Variants in KIF18A observed in about 807,000 individuals in gnomAD.
KIF18A encodes the protein kinesin family member 18A, also known as kinesin-like protein KIF18A.
In KIF18A, 67 loss-of-function variants were observed where a neutral mutation model predicts 103.3. That is an observed-to-expected ratio of 0.65 (90% CI 0.53 to 0.79). The LOEUF (loss-of-function observed/expected upper bound fraction) is 0.79. Ranked by LOEUF, KIF18A falls within the 30% of genes least tolerant of loss-of-function variation. KIF18A has a pLI of 0.00. For synonymous variants in KIF18A, 367 were observed against 355.5 expected, an observed-to-expected ratio of 1.03 and a Z score of -0.36; for missense variants, 1,032 against 1,062.5, an observed-to-expected ratio of 0.97 and a Z score of 0.40.
In KIF18A at chr11:28,046,519, G is replaced by A. The variant is rs879096685; in HGVS notation, c.1949-9855C>T. 6.7e-5 allele frequency among the ~76,000 whole-genome samples: 9 copies of A among 134,582 alleles called. 1 individual carries two copies. Among genetic ancestry groups the A allele is most frequent in the African/African-American group, 2.6e-4 (9 of 35,176 alleles). 88.3% of individuals were successfully genotyped at this position (134,582 alleles called of 152,430 possible). A position where few individuals can be genotyped will look rare whatever the true frequency, so the allele number is the denominator to read the frequency against. On this transcript the variant is annotated intron_variant, in intron 13 of 16. Transcript: ENST00000263181. ...AATGAGATCACATGGACACAGGAAG[G>A]GGAACATCACACTCTGGGGACTGTT...
chr11:28,067,277 A>G (rs1850944516), intron 11 of KIF18A, among the ~76,000 whole-genome samples: 1 of 152,142 alleles, frequency 6.6e-6, no homozygotes, highest in Non-Finnish European at 1.5e-5. Flanking sequence ...TACTTAACTA[A>G]CTGACTGGTA....
At chr11:28,075,195 A>G (rs1165965891) in intron 10 of KIF18A, among the ~76,000 whole-genome samples, 1 of 152,126 alleles carries the variant, frequency 6.6e-6, no homozygotes, top group Non-Finnish European at 1.5e-5. Flanking sequence ...CATCTTGTCC[A>G]CATGTGTTAT....
intron 11 of KIF18A, 51 bp downstream of exon 11, chr11:28,069,208 T>G: frequency 7.2e-7 from 1 of 1,398,188 alleles, no homozygotes. Flanking sequence ...GAACACATTT[T>G]AGGAGCTCAG....
intron 9 of KIF18A, among the ~76,000 whole-genome samples, chr11:28,079,914 C>T (rs1392891373): frequency 6.6e-6 from 1 of 152,064 alleles, no homozygotes; most frequent in African/African-American, 2.4e-5. Flanking sequence ...GTATTACTAA[C>T]TGCTTTCTTT....
At chr11:28,033,279 C>G (rs1006433329) in intron 15 of KIF18A, among the ~76,000 whole-genome samples, 2 of 151,434 alleles carry the variant, frequency 1.3e-5, no homozygotes, top group African/African-American at 4.8e-5. Context: ...ATTAGTACAA[C>G]CACTATAAAG....
At chr11:28,091,548 A>T (rs1379789842) in intron 3 of KIF18A, 35 bp from the exon 4 acceptor site, 3 of 345,524 alleles carry the variant, frequency 8.7e-6, no homozygotes, top group Non-Finnish European at 1.4e-5. Context: ...GCATTGATGT[A>T]AAAAAAAAAA....
Position 28,082,942 on chromosome 11 carries a change from T to C in KIF18A, c.1176A>G (p.Lys392=). 1.3e-6 allele frequency: 2 copies of C among 1,592,820 alleles called. No homozygotes were observed. The highest frequency in any genetic ancestry group is 4.5e-5 in the East Asian group (2 of 44,526). Residue 392 remains lysine (K), a synonymous_variant, in exon 9 of 17, where the codon AAA becomes AAG. Transcript: ENST00000263181. The part of the protein sequence containing the change: ...AEILLLKEKL[K]AYEEQKAFTN... ...TGAAGGCTTTCTGTTCTTCATAGGC[T>C]TTTAGTTTTTCTTTTAACAATAAAA...
chr11:28,059,980 A>C (rs1850837832), intron 12 of KIF18A, among the ~76,000 whole-genome samples: 1 of 152,170 alleles, frequency 6.6e-6, no homozygotes, highest in East Asian at 1.9e-4. Context: ...AATGGCACTT[A>C]AAGGGATTTT....
chr11:28,035,484 A>C lies in KIF18A; in HGVS notation c.2407T>G (p.Ser803Ala), dbSNP rs746274649. The change falls in exon 15 of 17, where the codon TCT becomes GCT. Residue 803 changes from serine to alanine, a missense_variant. Coordinates refer to ENST00000263181, the MANE Select transcript of KIF18A (RefSeq NM_031217.4). Reference sequence around the variant, plus strand: ...ATAGAATGCTTAGTTGAGAATGAAGAAGGATCAAGCCTGTATATTAATAGT... The same window carrying C: ...ATAGAATGCTTAGTTGAGAATGAAGCAGGATCAAGCCTGTATATTAATAGT... ...NKDILQRLDP[S>A]SFSTKHSMPV... 10 of 1,587,842 alleles carry C rather than the reference A, an allele frequency of 6.3e-6. No individual in the cohort carries two copies. The highest frequency in any genetic ancestry group is 8.6e-6 in the Non-Finnish European group (10 of 1,164,140).
intron 9 of KIF18A, among the ~76,000 whole-genome samples, chr11:28,079,833 G>C (rs888270444): frequency 1.1e-4 from 16 of 151,998 alleles, no homozygotes; most frequent in Middle Eastern, 3.2e-3. Flanking sequence ...TTAACATCTT[G>C]ATCCAGTGTC....
chr11:28,078,713 T>C (rs925651674), intron 9 of KIF18A, among the ~76,000 whole-genome samples: 3 of 152,284 alleles, frequency 2.0e-5, no homozygotes, highest in African/African-American at 7.2e-5. Flanking sequence ...TTGTGTTTTC[T>C]TTTTATGATT....
In KIF18A at chr11:28,036,209, T is replaced by G. The variant is rs535012096; in HGVS notation, c.2396+8A>C. Reference sequence around the variant, plus strand: ...AAAAAAGAATTGGCAAATATTATTTTTTTGTACCGTTGTAAAATGTCTTTG... The same window carrying G: ...AAAAAAGAATTGGCAAATATTATTTGTTTGTACCGTTGTAAAATGTCTTTG... On this transcript the variant is annotated splice_region_variant and intron_variant, in intron 14 of 16. Coordinates refer to ENST00000263181, the MANE Select transcript of KIF18A (RefSeq NM_031217.4). 11 of 1,528,992 alleles carry G rather than the reference T, an allele frequency of 7.2e-6. No homozygotes were observed. The highest frequency in any genetic ancestry group is 7.0e-5 in the African/African-American group (5 of 71,698). The allele number at this position is 1,528,992 out of a possible 1,614,324, so 94.7% of individuals were successfully genotyped here.
At chr11:28,052,854 C>G (rs948625736) in intron 13 of KIF18A, among the ~76,000 whole-genome samples, 1 of 151,424 alleles carries the variant, frequency 6.6e-6, no homozygotes, top group African/African-American at 2.4e-5. Context: ...AAAAAAGTAA[C>G]GATTGTTACT....
At chr11:28,103,375 A>G (rs1410834896) in intron 1 of KIF18A, among the ~76,000 whole-genome samples, 3 of 151,974 alleles carry the variant, frequency 2.0e-5, no homozygotes, top group Non-Finnish European at 4.4e-5. Flanking sequence ...AGCATTTTAT[A>G]TAATAGATAC....
rs575238147 is a variant in KIF18A, at chr11:28,106,916, A to T, written c.-47+1148T>A. 2.6e-5 allele frequency among the ~76,000 whole-genome samples: 4 copies of T among 152,328 alleles called. No individual in the cohort carries two copies. In the East Asian group the frequency reaches 7.7e-4, roughly 29 times the overall value. On this transcript the variant is annotated intron_variant, in intron 1 of 16. Transcript: ENST00000263181. ...AACCTGGGAGGTGGAGGTTGCAGTG[A>T]GCAGCGATCACGTCACTGCACTCCA...
At chr11:28,026,088 G>T (rs1850315488) in intron 15 of KIF18A, among the ~76,000 whole-genome samples, 1 of 151,712 alleles carries the variant, frequency 6.6e-6, no homozygotes, top group Non-Finnish European at 1.5e-5. Context: ...CATTATGTAT[G>T]CATTATATTT....
chr11:28,051,286 A>G (rs1301831063), intron 13 of KIF18A, among the ~76,000 whole-genome samples: 1 of 151,890 alleles, frequency 6.6e-6, no homozygotes, highest in East Asian at 1.9e-4. Context: ...ATATAAAAAA[A>G]ACTATAAAGT....
At chr11:28,036,686 GAC>G (rs1400628556) in intron 13 of KIF18A, 22 bp from the exon 14 acceptor site, 2 of 1,443,630 alleles carry the variant, frequency 1.4e-6, no homozygotes, top group Admixed American at 4.3e-5. Context: ...AATAAAAAAA[GAC>G]ACTCGATAAT....
chr11:28,057,449 A>G (rs1228473278), intron 13 of KIF18A, among the ~76,000 whole-genome samples: 1 of 152,138 alleles, frequency 6.6e-6, no homozygotes, highest in Non-Finnish European at 1.5e-5. Context: ...CAGGAGACGG[A>G]GCTTGCAGTG....
Sources: allele counts gnomAD v4.1 joint callset (sites outside exome capture counted in the v4.1 genomes callset), GRCh38; gene constraint gnomAD v4.1.1; transcripts MANE v1.5; gene names NCBI Gene and HGNC (gene_info 2026-07-23, HGNC 2026-07-21).